MAML3: variants seen among roughly 807,000 people sequenced by gnomAD.
MAML3 encodes the protein mastermind-like protein 3.
In MAML3, 27 loss-of-function variants were observed where a neutral mutation model predicts 101.9. The ratio of observed to expected loss-of-function variants is 0.27; its 90% CI spans 0.20 to 0.37. MAML3 has a LOEUF of 0.37. Among genes scored for constraint, MAML3 ranks in the 10% least tolerant of loss-of-function variants. The probability of loss-of-function intolerance (pLI) is 1.00; values close to 1 mark genes in which losing one functional copy is unlikely to be tolerated. For synonymous variants in MAML3, 501 were observed against 555.9 expected (o/e 0.90, Z 1.39); for missense variants, 1,316 against 1,444.9 (o/e 0.91, Z 1.45).
chr4:139,730,469 G>T lies in MAML3; in HGVS notation c.2278C>A (p.Arg760=), dbSNP rs935950874. The change falls in exon 3 of 5, where the codon CGG becomes AGG. Residue 760 remains arginine (R), a synonymous_variant. Transcript: ENST00000509479. Reference sequence around the variant, plus strand: ...TGCTGCTGCTGCTGCCTTTGCTCCCGCAGGAACTGTTGCTTCTGCTGCTCT... The same window carrying T: ...TGCTGCTGCTGCTGCCTTTGCTCCCTCAGGAACTGTTGCTTCTGCTGCTCT... ...LIEQQKQQFL[R]EQRQQQQQQQ... is the part of the protein sequence containing the mutation. 4 of 1,552,538 alleles carry T rather than the reference G, an allele frequency of 2.6e-6. No homozygotes were observed. The highest frequency in any genetic ancestry group is 3.5e-6 in the Non-Finnish European group (4 of 1,147,570).
chr4:139,751,767 C>T (rs1432859120), intron 2 of MAML3, among the ~76,000 whole-genome samples: 2 of 152,202 alleles, frequency 1.3e-5, no homozygotes, highest in Admixed American at 1.3e-4. Flanking sequence ...GGAATACACT[C>T]AGCCCAGGTC....
intron 2 of MAML3, among the ~76,000 whole-genome samples, chr4:139,854,177 ATATAG>A (rs1239327086): frequency 1.3e-5 from 2 of 151,990 alleles, no homozygotes; most frequent in Non-Finnish European, 2.9e-5. Context: ...AAACTGAGGA[ATATAG>A]CCTCACAGGT....
chr4:140,108,704 T>C (rs1011666591), intron 1 of MAML3, among the ~76,000 whole-genome samples: 3 of 151,786 alleles, frequency 2.0e-5, no homozygotes, highest in Non-Finnish European at 4.4e-5. Flanking sequence ...GAATCTCTCA[T>C]ACTCTGATCA....
intron 1 of MAML3, among the ~76,000 whole-genome samples, chr4:140,055,459 T>C (rs1431292599): frequency 3.9e-5 from 6 of 152,376 alleles, no homozygotes; most frequent in African/African-American, 1.4e-4. Context: ...CTTATTCTTT[T>C]CACTATATTA....
At chr4:139,955,325 C>CT (rs11393209) in intron 1 of MAML3, among the ~76,000 whole-genome samples, 48,922 of 149,422 alleles carry the variant, frequency 0.33, 8,739 homozygotes, top group African/African-American at 0.49. Flanking sequence ...GAAAACTTTA[C>CT]TTTTTTTTTT....
intron 2 of MAML3, among the ~76,000 whole-genome samples, chr4:139,789,561 C>T (rs1437770141): frequency 6.6e-6 from 1 of 152,022 alleles, no homozygotes; most frequent in African/African-American, 2.4e-5. Context: ...GAAGGCATGG[C>T]AGGGGGAAGG....
chr4:140,152,100 C>T (rs1184695723), intron 1 of MAML3, among the ~76,000 whole-genome samples: 2 of 152,198 alleles, frequency 1.3e-5, no homozygotes, highest in Non-Finnish European at 2.9e-5. Flanking sequence ...CCCCTCCAGG[C>T]CGCTCCCCTC....
At chr4:140,146,889 AC>A (rs1729073010) in intron 1 of MAML3, among the ~76,000 whole-genome samples, 1 of 152,124 alleles carries the variant, frequency 6.6e-6, no homozygotes, top group Non-Finnish European at 1.5e-5. Context: ...TAATCCCAGC[AC>A]TTTGGGAGGC....
At chr4:140,068,495 T>C (rs1401304724) in intron 1 of MAML3, among the ~76,000 whole-genome samples, 1 of 152,200 alleles carries the variant, frequency 6.6e-6, no homozygotes, top group Non-Finnish European at 1.5e-5. Context: ...TTGAGTCATT[T>C]CTTAAATTTG....
intron 2 of MAML3, among the ~76,000 whole-genome samples, chr4:139,803,147 G>C (rs1179580144): frequency 6.6e-6 from 1 of 152,152 alleles, no homozygotes; most frequent in Non-Finnish European, 1.5e-5. Flanking sequence ...GCTCACACCT[G>C]TAGTCCTATG....
chr4:139,737,482 G>A (rs1728992585), intron 2 of MAML3, among the ~76,000 whole-genome samples: 1 of 152,048 alleles, frequency 6.6e-6, no homozygotes, highest in Non-Finnish European at 1.5e-5. Context: ...GTGGGGAGAG[G>A]AATGGGCATA....
chr4:139,749,474 A>G (rs2111037462), intron 2 of MAML3, among the ~76,000 whole-genome samples: 1 of 152,306 alleles, frequency 6.6e-6, no homozygotes, highest in East Asian at 1.9e-4. Context: ...AGAGCAGCTC[A>G]TAAACCTCAC....
At chr4:139,843,164 T>TA (rs1560811153) in intron 2 of MAML3, among the ~76,000 whole-genome samples, 2 of 152,128 alleles carry the variant, frequency 1.3e-5, no homozygotes. Context: ...ACTGATAACT[T>TA]ATGGCATCTG....
At chr4:139,720,735 T>A (rs1728201553) in intron 4 of MAML3, among the ~76,000 whole-genome samples, 1 of 152,254 alleles carries the variant, frequency 6.6e-6, no homozygotes, top group Admixed American at 6.5e-5. Context: ...TATGACATCA[T>A]CCTCAACCAA....
intron 1 of MAML3, among the ~76,000 whole-genome samples, chr4:139,989,270 G>C (rs1734613977): frequency 6.6e-6 from 1 of 152,098 alleles, no homozygotes; most frequent in Non-Finnish European, 1.5e-5. Context: ...GCTAATAATA[G>C]GTGCCACCTT....
At chr4:139,891,459 G>A (rs1199991487) in intron 1 of MAML3, among the ~76,000 whole-genome samples, 1 of 152,016 alleles carries the variant, frequency 6.6e-6, no homozygotes, top group African/African-American at 2.4e-5. Context: ...TGTATTTTTT[G>A]TAGAGATGGG....
chr4:139,746,254 T>C (rs144358671), intron 2 of MAML3, among the ~76,000 whole-genome samples: 1 of 152,328 alleles, frequency 6.6e-6, no homozygotes, highest in Non-Finnish European at 1.5e-5. Context: ...ACCTTTTAAA[T>C]CTGAACTAGA....
intron 1 of MAML3, among the ~76,000 whole-genome samples, chr4:140,017,675 G>GA (rs1726663658): frequency 6.6e-6 from 1 of 151,090 alleles, no homozygotes; most frequent in Non-Finnish European, 1.5e-5. Flanking sequence ...GCGAAAAAAA[G>GA]AAAAAACCTA....
At chr4:139,923,921 C>G (rs1008494856) in intron 1 of MAML3, among the ~76,000 whole-genome samples, 1 of 152,130 alleles carries the variant, frequency 6.6e-6, no homozygotes. Context: ...ATGAGACTCC[C>G]TATGACCCTG....
Sources: gnomAD v4.1 joint callset for allele counts (sites outside exome capture counted in the v4.1 genomes callset) on GRCh38, gnomAD v4.1.1 for gene constraint, MANE v1.5 for transcripts, NCBI Gene and HGNC (gene_info 2026-07-23, HGNC 2026-07-21) for gene names.